Variants in CHCHD6 observed in about 807,000 individuals in gnomAD.
The protein encoded by CHCHD6 is coiled-coil-helix-coiled-coil-helix domain containing 6.
A neutral mutation model predicts 32.3 loss-of-function variants in CHCHD6; 28 were observed. The observed-to-expected ratio is 0.87, with a 90% CI of 0.64 to 1.19. The LOEUF (loss-of-function observed/expected upper bound fraction) is 1.19. Ranked by LOEUF, CHCHD6 falls within the 50% of genes most tolerant of loss-of-function variation. The probability of loss-of-function intolerance (pLI) is 0.00; values close to 1 mark genes in which losing one functional copy is unlikely to be tolerated. For synonymous variants in CHCHD6, 122 were observed against 117.5 expected (o/e 1.04, Z -0.25); for missense variants, 333 against 307.0 (o/e 1.08, Z -0.63).
intron 5 of CHCHD6, among the ~76,000 whole-genome samples, chr3:126,879,323 C>T (rs749493434): frequency 1.6e-4 from 24 of 152,160 alleles, no homozygotes; most frequent in Non-Finnish European, 3.1e-4. Context: ...TTGCTGTGGC[C>T]ATTGCTGGAA....
intron 5 of CHCHD6, among the ~76,000 whole-genome samples, chr3:126,853,254 TA>T (rs60860773): frequency 0.07 from 9,248 of 132,860 alleles, 533 homozygotes; most frequent in African/African-American, 0.18. Context: ...ATCATGCCTT[TA>T]AAAAAAAAAA....
chr3:126,855,615 C>G (rs1163343834), intron 5 of CHCHD6, among the ~76,000 whole-genome samples: 2 of 152,156 alleles, frequency 1.3e-5, no homozygotes, highest in African/African-American at 2.4e-5. Context: ...ATGGGGAAGC[C>G]TTCTCTCTGG....
intron 4 of CHCHD6, among the ~76,000 whole-genome samples, chr3:126,773,356 G>T (rs1179037767): frequency 1.3e-5 from 2 of 152,288 alleles, no homozygotes; most frequent in East Asian, 3.9e-4. Context: ...TAGAACAGAT[G>T]CACACAATAA....
intron 4 of CHCHD6, chr3:126,766,907 C>G: frequency 3.8e-6 from 4 of 1,047,298 alleles, no homozygotes; most frequent in Non-Finnish European, 6.0e-6. Flanking sequence ...TCTGCGTGGC[C>G]CAGCCGGCCA....
intron 4 of CHCHD6, among the ~76,000 whole-genome samples, chr3:126,751,237 C>G (rs1174731036): frequency 6.6e-6 from 1 of 151,700 alleles, no homozygotes; most frequent in Non-Finnish European, 1.5e-5. Flanking sequence ...TGTGGTAGCT[C>G]ATGCCTGTAA....
At chr3:126,935,594 A>C (rs1259563466) in intron 6 of CHCHD6, among the ~76,000 whole-genome samples, 4 of 152,244 alleles carry the variant, frequency 2.6e-5, no homozygotes, top group Non-Finnish European at 5.9e-5. Context: ...ACATCAGCTC[A>C]AAACCGTGTG....
intron 4 of CHCHD6, among the ~76,000 whole-genome samples, chr3:126,798,848 A>G (rs1415776669): frequency 6.6e-6 from 1 of 152,192 alleles, no homozygotes; most frequent in Non-Finnish European, 1.5e-5. Flanking sequence ...CATCCAGGCT[A>G]AAAAGATTTG....
At chr3:126,839,203 A>T (rs1940975492) in intron 4 of CHCHD6, among the ~76,000 whole-genome samples, 1 of 152,130 alleles carries the variant, frequency 6.6e-6, no homozygotes, top group African/African-American at 2.4e-5. Flanking sequence ...TTATTCTTGT[A>T]GGGAATATTT....
intron 5 of CHCHD6, among the ~76,000 whole-genome samples, chr3:126,869,133 T>G (rs558716351): frequency 6.6e-6 from 1 of 152,364 alleles, no homozygotes; most frequent in Admixed American, 6.5e-5. Context: ...CTTCCATACA[T>G]TTTAAGCAAC....
chr3:126,920,753 A>G (rs1297690979), intron 6 of CHCHD6, among the ~76,000 whole-genome samples: 1 of 152,178 alleles, frequency 6.6e-6, no homozygotes, highest in East Asian at 1.9e-4. Flanking sequence ...GAGAATCTCC[A>G]CAGCTTTTCT....
chr3:126,878,680 G>A (rs562718994), intron 5 of CHCHD6, among the ~76,000 whole-genome samples: 1 of 152,328 alleles, frequency 6.6e-6, no homozygotes, highest in African/African-American at 2.4e-5. Context: ...AATTAATTCA[G>A]GCAAAAATCA....
intron 4 of CHCHD6, among the ~76,000 whole-genome samples, chr3:126,776,052 C>T (rs575080476): frequency 2.6e-5 from 4 of 152,202 alleles, no homozygotes; most frequent in Non-Finnish European, 4.4e-5. Flanking sequence ...ATATGATGAT[C>T]GGCTCAGCTA....
At chr3:126,925,350 GGAAACATT>G (rs1265689297) in intron 6 of CHCHD6, among the ~76,000 whole-genome samples, 10 of 152,332 alleles carry the variant, frequency 6.6e-5, no homozygotes, top group African/African-American at 2.4e-4. Context: ...CCTCTGAGAA[GGAAACATT>G]GTCTGAATAG....
chr3:126,866,571 C>T (rs926833242), intron 5 of CHCHD6, among the ~76,000 whole-genome samples: 1 of 152,202 alleles, frequency 6.6e-6, no homozygotes, highest in Admixed American at 6.5e-5. Context: ...TGCCCAAAGG[C>T]CTTGGCAGGC....
chr3:126,840,624 A>G (rs569876891), intron 4 of CHCHD6, among the ~76,000 whole-genome samples: 28 of 152,276 alleles, frequency 1.8e-4, no homozygotes, highest in Non-Finnish European at 3.8e-4. Flanking sequence ...TATATTAAAA[A>G]TCTGTTATCT....
chr3:126,879,987 C>CA, intron 5 of CHCHD6, among the ~76,000 whole-genome samples: 1 of 152,124 alleles, frequency 6.6e-6, no homozygotes, highest in Non-Finnish European at 1.5e-5. Context: ...GTTGGGTAAA[C>CA]CTACACCCAG....
chr3:126,923,673 G>C (rs923701474), intron 6 of CHCHD6, among the ~76,000 whole-genome samples: 2 of 152,244 alleles, frequency 1.3e-5, no homozygotes, highest in Admixed American at 6.5e-5. Flanking sequence ...GCTACCTGAC[G>C]TGTGGCCTGG....
chr3:126,779,004 C>T (rs532521317), intron 4 of CHCHD6, among the ~76,000 whole-genome samples: 1 of 151,086 alleles, frequency 6.6e-6, no homozygotes, highest in Non-Finnish European at 1.5e-5. Context: ...TGGGCTCAGG[C>T]AATGCCTCCC....
Position 126,960,384 on chromosome 3 carries a change from A to G in CHCHD6, c.*183A>G. On this transcript the variant is annotated 3_prime_UTR_variant, in exon 8 of 8. Coordinates refer to ENST00000290913, the MANE Select transcript of CHCHD6 (RefSeq NM_032343.3). ...TACTGTCTGAAAACAAATAAAGCAG[A>G]TGCCTTTGTTTTCAGTCGTTGACTC... 1 of 676,324 alleles carries G rather than the reference A, an allele frequency of 1.5e-6. No homozygotes were observed. The highest frequency in any genetic ancestry group is 2.5e-6 in the Non-Finnish European group (1 of 393,514). The allele number at this position is 676,324 out of a possible 1,614,324, so 41.9% of individuals were successfully genotyped here.
Sources: gnomAD v4.1 joint callset for allele counts (sites outside exome capture counted in the v4.1 genomes callset) on GRCh38, gnomAD v4.1.1 for gene constraint, MANE v1.5 for transcripts, NCBI Gene and HGNC (gene_info 2026-07-23, HGNC 2026-07-21) for gene names.